Variants in RPL22L1 observed in about 807,000 individuals in gnomAD.
The protein encoded by RPL22L1 is ribosomal protein L22 like 1.
In RPL22L1, 19 loss-of-function variants were observed where a neutral mutation model predicts 17.3. That is an observed-to-expected ratio of 1.10 (90% CI 0.77 to 1.61). The LOEUF is 1.61. Ranked by LOEUF, RPL22L1 falls within the 40% of genes most tolerant of loss-of-function variation. The probability of loss-of-function intolerance (pLI) is 0.00; values close to 1 mark genes in which losing one functional copy is unlikely to be tolerated. For synonymous variants in RPL22L1, 48 were observed against 48.5 expected (o/e 0.99, Z 0.05); for missense variants, 139 against 144.4 (o/e 0.96, Z 0.19).
intron 1 of RPL22L1, 109 bp downstream of exon 1, chr3:170,870,050 C>T: frequency 1.3e-6 from 2 of 1,510,946 alleles, no homozygotes. Context: ...TCACTACTCC[C>T]CTCCCTTTAT....
chr3:170,867,892 G>A, intron 3 of RPL22L1, 121 bp downstream of exon 3: 1 of 792,850 alleles, frequency 1.3e-6, no homozygotes, highest in East Asian at 2.7e-5. Context: ...CATTTATGTA[G>A]GCCTTTAGTC....
intron 3 of RPL22L1, 25 bp downstream of exon 3, chr3:170,867,988 T>C: frequency 6.5e-7 from 1 of 1,539,106 alleles, no homozygotes; most frequent in Non-Finnish European, 8.8e-7. Flanking sequence ...ACTATAGTTT[T>C]ATTAAAATTT....
intron 3 of RPL22L1, 103 bp from the exon 4 acceptor site, chr3:170,866,627 C>G: frequency 1.3e-6 from 1 of 784,812 alleles, no homozygotes; most frequent in Non-Finnish European, 2.0e-6. Flanking sequence ...TTTTCTGTAC[C>G]TAGCTTCCTC....
At chr3:170,867,881 C>T in intron 3 of RPL22L1, 132 bp downstream of exon 3, 1 of 738,980 alleles carries the variant, frequency 1.4e-6, no homozygotes, top group African/African-American at 1.8e-5. Context: ...ACTGAATTTC[C>T]CATTTATGTA....
Position 170,865,720 on chromosome 3 carries a change from A to T in RPL22L1, c.*660T>A, listed in dbSNP as rs1405206169. On this transcript the variant is annotated 3_prime_UTR_variant, in exon 4 of 4. Coordinates refer to ENST00000295830, the MANE Select transcript of RPL22L1 (RefSeq NM_001099645.2). ...CACACCCAGAGTCTTTGGGCTAACT[A>T]TAAGAGCAAACTACAGAGCAACTTA... 6.6e-6 allele frequency: 1 copy of T among 152,248 alleles called. No homozygotes were observed. The allele number at this position is 152,248 out of a possible 1,614,324, so 9.4% of individuals were successfully genotyped here.
At chr3:170,869,618 T>C (rs1711910324) in intron 1 of RPL22L1, among the ~76,000 whole-genome samples, 1 of 152,196 alleles carries the variant, frequency 6.6e-6, no homozygotes, top group Admixed American at 6.5e-5. Context: ...CTGAAGCACG[T>C]TTATTTCACA....
intron 1 of RPL22L1, among the ~76,000 whole-genome samples, chr3:170,869,069 C>CG (rs1711885583): frequency 6.7e-6 from 1 of 150,068 alleles, no homozygotes; most frequent in Non-Finnish European, 1.5e-5. Context: ...TGTAGTGAGC[C>CG]TGATCATGCC....
chr3:170,867,247 A>G (rs1480494744), intron 3 of RPL22L1, among the ~76,000 whole-genome samples: 3 of 152,150 alleles, frequency 2.0e-5, no homozygotes, highest in Admixed American at 2.0e-4. Context: ...ATGGCTTTCA[A>G]GATCTGCTCC....
Position 170,866,326 on chromosome 3 carries a change from T to G in RPL22L1, c.*54A>C, listed in dbSNP as rs562400541. 1.4e-5 allele frequency: 21 copies of G among 1,451,708 alleles called. No individual in the cohort carries two copies. Among genetic ancestry groups the G allele is most frequent in the Non-Finnish European group, 1.8e-5 (19 of 1,078,992 alleles). 89.9% of individuals were successfully genotyped at this position (1,451,708 alleles called of 1,614,324 possible). Reference sequence around the variant, plus strand: ...AAAGCCAATTTCTTGGTATTTCTCATGTATACTTCATTTATTTTATTAATA... The same window carrying G: ...AAAGCCAATTTCTTGGTATTTCTCAGGTATACTTCATTTATTTTATTAATA... On this transcript the variant is annotated 3_prime_UTR_variant, in exon 4 of 4. Transcript: ENST00000295830.
At chr3:170,868,803 T>TAAA (rs550401844) in intron 1 of RPL22L1, among the ~76,000 whole-genome samples, 1 of 117,798 alleles carries the variant, frequency 8.5e-6, no homozygotes, top group Non-Finnish European at 1.8e-5. Context: ...GGGACTTTGG[T>TAAA]AAAAAAAAAA....
Position 170,866,278 on chromosome 3 carries a change from AT to A in RPL22L1, c.*101del. 1.0e-6 allele frequency: 1 copy of A among 963,646 alleles called. No individual in the cohort carries two copies. The highest frequency in any genetic ancestry group is 1.5e-6 in the Non-Finnish European group (1 of 670,608). 59.7% of individuals were successfully genotyped at this position (963,646 alleles called of 1,614,324 possible). A position where few individuals can be genotyped will look rare whatever the true frequency, so the allele number is the denominator to read the frequency against. On this transcript the variant is annotated 3_prime_UTR_variant, in exon 4 of 4. Transcript: ENST00000295830. Reference sequence around the variant, plus strand: ...TGAGACAAAAGTTCAAGAGTATAATATTTTTTATTCACTGATAAACTAAAAG... The same window carrying A: ...TGAGACAAAAGTTCAAGAGTATAATATTTTTATTCACTGATAAACTAAAAG...
Position 170,866,272 on chromosome 3 carries a change from T to A in RPL22L1, c.*108A>T. The A allele has an allele frequency of 2.3e-6, 2 of 873,958 alleles. No individual in the cohort carries two copies. Among genetic ancestry groups the A allele is most frequent in the South Asian group, 4.5e-5 (2 of 44,696 alleles). 54.1% of individuals were successfully genotyped at this position (873,958 alleles called of 1,614,324 possible). On this transcript the variant is annotated 3_prime_UTR_variant, in exon 4 of 4. Coordinates refer to ENST00000295830, the MANE Select transcript of RPL22L1 (RefSeq NM_001099645.2). ...AAAAAATGAGACAAAAGTTCAAGAG[T>A]ATAATATTTTTTATTCACTGATAAA...
At chr3:170,868,170 G>A (rs1328673301) in intron 2 of RPL22L1, 36 bp from the exon 3 acceptor site, 3 of 1,593,474 alleles carry the variant, frequency 1.9e-6, no homozygotes, top group Non-Finnish European at 1.7e-6. Flanking sequence ...AACTAGGGAA[G>A]AGAACCCTAG....
At chr3:170,870,072 C>T in intron 1 of RPL22L1, 87 bp downstream of exon 1, 2 of 1,582,056 alleles carry the variant, frequency 1.3e-6, no homozygotes, top group Middle Eastern at 1.7e-4. Context: ...TTGACTGAGA[C>T]GTCTCCACTC....
intron 2 of RPL22L1, 62 bp from the exon 3 acceptor site, chr3:170,868,196 G>C: frequency 6.6e-7 from 1 of 1,521,460 alleles, no homozygotes; most frequent in South Asian, 1.1e-5. Context: ...CACTAGGGAA[G>C]GTACCCTAGG....
At position 170,868,993 on chromosome 3, in the gene RPL22L1, T is replaced by G. The variant is rs369926815; in HGVS notation, c.10-603A>C. ...AAAATTAGCCAGGTGTGGTGGTGCATGCTTATAATCCTAGCTATTCAGGAG... is the reference window on the plus strand; with the variant it reads ...AAAATTAGCCAGGTGTGGTGGTGCAGGCTTATAATCCTAGCTATTCAGGAG... On this transcript the variant is annotated intron_variant, in intron 1 of 3. Coordinates refer to ENST00000295830, the MANE Select transcript of RPL22L1 (RefSeq NM_001099645.2). Among the ~76,000 whole-genome samples the G allele has an allele frequency of 3.9e-4, 59 of 151,674 alleles. 1 individual carries two copies. Among genetic ancestry groups the G allele is most frequent in the African/African-American group, 1.4e-3 (57 of 41,384 alleles).
rs1322082728 is a variant in RPL22L1 at position 170,865,165 on chromosome 3, G to C, written c.*1215C>G. Reference sequence around the variant, plus strand: ...TGCACTGAGGTATTGCACGATGATGGGGGCACTTAAATTTTTAGGAAAACG... The same window carrying C: ...TGCACTGAGGTATTGCACGATGATGCGGGCACTTAAATTTTTAGGAAAACG... On this transcript the variant is annotated 3_prime_UTR_variant, in exon 4 of 4. Transcript: ENST00000295830. 2.0e-5 allele frequency: 3 copies of C among 152,156 alleles called. No homozygotes were observed. Among genetic ancestry groups the C allele is most frequent in the African/African-American group, 7.2e-5 (3 of 41,436 alleles). The allele number at this position is 152,156 out of a possible 1,614,324, so 9.4% of individuals were successfully genotyped here.
chr3:170,866,618 T>C (rs887465114), intron 3 of RPL22L1, 94 bp from the exon 4 acceptor site: 72 of 877,906 alleles, frequency 8.2e-5, no homozygotes, highest in Non-Finnish European at 9.3e-5. Flanking sequence ...ATATTCATCT[T>C]TTCTGTACCT....
In RPL22L1 at chr3:170,866,445, C is replaced by T; in HGVS notation, c.304G>A (p.Glu102Lys). 6.3e-7 allele frequency: 1 copy of T among 1,598,748 alleles called. No individual in the cohort carries two copies. The highest frequency in any genetic ancestry group is 8.5e-7 in the Non-Finnish European group (1 of 1,172,034). ...DWLRVVASDK[E>K]TYELRYFQIS... ...TGGAAGTAACGAAGTTCGTAGGTCT[C>T]CTTGTCAGATGCAACCACTCGAAGC... Residue 102 changes from glutamate (E) to lysine (K), a missense_variant, in exon 4 of 4, where the codon GAG becomes AAG. By Grantham distance (56) the Glu-to-Lys change is moderately conservative. Transcript: ENST00000295830.
Sources: allele counts gnomAD v4.1 joint callset (sites outside exome capture counted in the v4.1 genomes callset), GRCh38; gene constraint gnomAD v4.1.1; transcripts MANE v1.5; gene names NCBI Gene and HGNC (gene_info 2026-07-23, HGNC 2026-07-21).